The following DMD variants were observed in gnomAD, a reference collection of about 807,000 sequenced individuals.
The protein encoded by DMD is mutant dystrophin.
In DMD, 63 loss-of-function variants were observed where a neutral mutation model predicts 330.1. The observed-to-expected ratio is 0.19, with a 90% CI of 0.16 to 0.24. The LOEUF is 0.24. DMD is among the 10% of genes least tolerant of loss of function. DMD has a pLI of 1.00. For missense variants in DMD, 3,344 were observed against 2,684.1 expected, an observed-to-expected ratio of 1.25 and a Z score of -5.43; for synonymous variants, 1,223 against 959.8, an observed-to-expected ratio of 1.27 and a Z score of -5.07.
intron 1 of DMD, among the ~76,000 whole-genome samples, chrX:33,284,807 T>C (rs779466849): frequency 9.6e-6 from 1 of 103,928 alleles, no homozygotes; most frequent in South Asian, 4.4e-4. Context: ...ATTAAAGGTA[T>C]TGATCTTTGA....
At chrX:33,324,131 C>T (rs987205897) in intron 1 of DMD, among the ~76,000 whole-genome samples, 1 of 111,432 alleles carries the variant, frequency 9.0e-6, no homozygotes, top group African/African-American at 3.3e-5. Context: ...TCTTGGGTTG[C>T]CTTTTACCAG....
intron 44 of DMD, among the ~76,000 whole-genome samples, chrX:32,083,421 C>G (rs1182741908): frequency 1.8e-5 from 2 of 109,970 alleles, no homozygotes; most frequent in Non-Finnish European, 3.8e-5. Flanking sequence ...CTACGCCCGG[C>G]TGATTTTTTG....
intron 55 of DMD, among the ~76,000 whole-genome samples, chrX:31,542,703 C>T (rs2073902070): frequency 8.9e-6 from 1 of 111,979 alleles, no homozygotes; most frequent in African/African-American, 3.2e-5. Context: ...GCAGTTTGAC[C>T]TTTTATCCTT....
Position 33,129,448 on chromosome X carries a change from C to T in DMD, c.31+81834G>A, listed in dbSNP as rs867044412. 2.0e-5 allele frequency among the ~76,000 whole-genome samples: 2 copies of T among 98,707 alleles called. 1 individual carries two copies. The highest frequency in any genetic ancestry group is 9.9e-4 in the South Asian group (2 of 2,024). 85.7% of individuals were successfully genotyped at this position (98,707 alleles called of 115,157 possible). On this transcript the variant is annotated intron_variant, in intron 1 of 78. Coordinates refer to ENST00000357033, the MANE Select transcript of DMD (RefSeq NM_004006.3). ...ACAATATAAAGTGTCATTATCATTG[C>T]CACTGATATTTTTAAAAAGCCATGT... is the stretch of plus-strand genomic sequence containing the variant.
At position 32,562,588 on chromosome X, in the gene DMD, T is replaced by A. The variant is rs942675584; in HGVS notation, c.1992+3114A>T. ...AGAATTTTTGAAACAATTGAGTATA[T>A]CATGTGAGTAGTCATTAATGAAACT... is the stretch of plus-strand genomic sequence containing the variant. On this transcript the variant is annotated intron_variant, in intron 16 of 78. Coordinates refer to ENST00000357033, the MANE Select transcript of DMD (RefSeq NM_004006.3). Among the ~76,000 whole-genome samples, 3 of 112,672 alleles carry A rather than the reference T, an allele frequency of 2.7e-5. No homozygotes were observed. The South Asian group carries it at 1.1e-3, about 41-fold the overall frequency.
At chrX:31,396,709 T>G (rs1178640661) in intron 60 of DMD, among the ~76,000 whole-genome samples, 3 of 111,322 alleles carry the variant, frequency 2.7e-5, no homozygotes, top group African/African-American at 9.8e-5. Context: ...AATGCTGTTT[T>G]CCTCCTTTCA....
At chrX:32,861,423 T>G (rs1375020537) in intron 2 of DMD, among the ~76,000 whole-genome samples, 1 of 111,930 alleles carries the variant, frequency 8.9e-6, no homozygotes, top group East Asian at 2.8e-4. Context: ...CTGTTAAATG[T>G]TATCACCTGG....
intron 69 of DMD, 85 bp from the exon 70 acceptor site, chrX:31,178,890 C>T (rs1038102549): frequency 9.2e-7 from 1 of 1,086,729 alleles, no homozygotes; most frequent in Non-Finnish European, 1.3e-6. Context: ...CCCCATGACA[C>T]TTGTTTTGTA....
chrX:31,422,077 C>G (rs1271803398), intron 60 of DMD, among the ~76,000 whole-genome samples: 2 of 98,544 alleles, frequency 2.0e-5, no homozygotes, highest in Non-Finnish European at 4.0e-5. Flanking sequence ...GAGACAGAGT[C>G]TTACTCTGTC....
intron 2 of DMD, among the ~76,000 whole-genome samples, chrX:32,918,504 C>A (rs1201390466): frequency 2.7e-5 from 3 of 110,856 alleles, no homozygotes; most frequent in Non-Finnish European, 3.8e-5. Context: ...GTGCCCACCA[C>A]CACACACAGC....
chrX:31,206,967 A>C (rs1006536286), intron 65 of DMD, among the ~76,000 whole-genome samples: 3 of 110,535 alleles, frequency 2.7e-5, no homozygotes, highest in African/African-American at 9.8e-5. Context: ...AATTAAGAAA[A>C]AAAAATTCTA....
rs201340042 is a variant in DMD at position 31,284,557 on chromosome X, TTTCTTCTTCTTCTTCTTCTTCTTC to T, written c.9225-23565_9225-23542del. On this transcript the variant is annotated intron_variant, in intron 62 of 78. Transcript: ENST00000357033. ...CTTTAAGAACTGCAATAACGAACTG[TTTCTTCTTCTTCTTCTTCTTCTTC>T]TTCTTCTTCTTCTTCTTCTTCTTCT... Among the ~76,000 whole-genome samples, 514 of 78,067 alleles carry T rather than the reference TTTCTTCTTCTTCTTCTTCTTCTTC, an allele frequency of 6.6e-3. 4 individuals carry two copies. Among genetic ancestry groups the T allele is most frequent in the African/African-American group, 0.025 (473 of 19,165 alleles). The allele number at this position is 78,067 out of a possible 115,157, so 67.8% of individuals were successfully genotyped here.
chrX:31,462,203 G>A (rs1309914263), intron 59 of DMD, among the ~76,000 whole-genome samples: 1 of 112,061 alleles, frequency 8.9e-6, no homozygotes, highest in Non-Finnish European at 1.9e-5. Flanking sequence ...ACTCCGGCTC[G>A]GTGTTGTGGC....
intron 13 of DMD, among the ~76,000 whole-genome samples, chrX:32,577,231 C>T (rs1334190050): frequency 8.9e-6 from 1 of 111,791 alleles, no homozygotes; most frequent in Non-Finnish European, 1.9e-5. Context: ...AGGAACAAGG[C>T]ATTCATCTGC....
At chrX:31,299,639 G>C (rs1309976612) in intron 62 of DMD, among the ~76,000 whole-genome samples, 1 of 109,632 alleles carries the variant, frequency 9.1e-6, no homozygotes, top group African/African-American at 3.3e-5. Flanking sequence ...AGCTGGGTAT[G>C]GTGGCATGCA....
chrX:32,405,221 G>C (rs767864692), intron 30 of DMD, among the ~76,000 whole-genome samples: 2 of 111,655 alleles, frequency 1.8e-5, no homozygotes, highest in East Asian at 2.8e-4. Context: ...GATTTGATTT[G>C]ATTGCTCCGG....
At chrX:31,990,572 C>T (rs2095543319) in intron 44 of DMD, among the ~76,000 whole-genome samples, 1 of 112,196 alleles carries the variant, frequency 8.9e-6, no homozygotes, top group African/African-American at 3.2e-5. Context: ...CGTACAACCA[C>T]AAAGTTAACT....
At chrX:31,269,364 A>G (rs1223719111) in intron 62 of DMD, among the ~76,000 whole-genome samples, 2 of 110,889 alleles carry the variant, frequency 1.8e-5, no homozygotes, top group African/African-American at 3.3e-5. Flanking sequence ...TATTATTATT[A>G]TTACTGTTTT....
intron 22 of DMD, 80 bp from the exon 23 acceptor site, chrX:32,468,790 G>A (rs2040321346): frequency 3.7e-6 from 3 of 814,045 alleles, no homozygotes; most frequent in South Asian, 2.2e-5. Context: ...AACTGTACTT[G>A]AAATCTATAT....
Sources: gnomAD v4.1 joint callset for allele counts (sites outside exome capture counted in the v4.1 genomes callset) on GRCh38, gnomAD v4.1.1 for gene constraint, MANE v1.5 for transcripts, NCBI Gene and HGNC (gene_info 2026-07-23, HGNC 2026-07-21) for gene names.